Variants in CMKLR1 observed in about 807,000 individuals in gnomAD.
The protein encoded by CMKLR1 is chemerin chemokine-like receptor 1, also known as chemerin-like receptor 1.
In CMKLR1, 6 loss-of-function variants were observed where a neutral mutation model predicts 8.2. That is an observed-to-expected ratio of 0.73 (90% CI 0.40 to 1.44). The LOEUF (loss-of-function observed/expected upper bound fraction) is 1.44, where lower values mean the gene tolerates loss of function less well. CMKLR1 is among the 40% of genes most tolerant of loss of function. The pLI is 0.02. For synonymous variants in CMKLR1, 178 were observed against 181.2 expected (o/e 0.98, Z 0.14); for missense variants, 429 against 478.0 (o/e 0.90, Z 0.96).
chr12:108,317,150 C>T (rs1484758257), intron 2 of CMKLR1, among the ~76,000 whole-genome samples: 2 of 152,092 alleles, frequency 1.3e-5, no homozygotes, highest in Non-Finnish European at 2.9e-5. Context: ...ATTTAACACA[C>T]AGCCTGTTTG....
Position 108,291,089 on chromosome 12 carries a change from C to G in CMKLR1, c.*752G>C, listed in dbSNP as rs929127937. Reference sequence around the variant, plus strand: ...CCCCAAATAGCTCCAGCCTAAAGCACCATCAGCCTGCGATGTTCTAGGGTG... The same window carrying G: ...CCCCAAATAGCTCCAGCCTAAAGCAGCATCAGCCTGCGATGTTCTAGGGTG... On this transcript the variant is annotated 3_prime_UTR_variant, in exon 4 of 4. Transcript: ENST00000550402. 1 of 152,274 alleles carries G rather than the reference C, an allele frequency of 6.6e-6. No individual in the cohort carries two copies. The highest frequency in any genetic ancestry group is 1.5e-5 in the Non-Finnish European group (1 of 68,064). 9.4% of individuals were successfully genotyped at this position (152,274 alleles called of 1,614,324 possible). A position where few individuals can be genotyped will look rare whatever the true frequency, so the allele number is the denominator to read the frequency against.
At chr12:108,305,374 T>C (rs1393722220) in intron 2 of CMKLR1, among the ~76,000 whole-genome samples, 2 of 152,136 alleles carry the variant, frequency 1.3e-5, no homozygotes, top group Admixed American at 1.3e-4. Context: ...AAGCACAAGA[T>C]CACAGCCTCA....
At chr12:108,338,954 TTC>T (rs1239362772) in intron 1 of CMKLR1, 71 bp downstream of exon 1, 4 of 152,212 alleles carry the variant, frequency 2.6e-5, no homozygotes, top group African/African-American at 9.7e-5. Context: ...AAACAAACTT[TTC>T]TCTCTGTTAG....
chr12:108,290,369 A>T lies in CMKLR1; in HGVS notation c.*1472T>A, dbSNP rs1164631186. 1.3e-5 allele frequency: 2 copies of T among 152,202 alleles called. No individual in the cohort carries two copies. Among genetic ancestry groups the T allele is most frequent in the Non-Finnish European group, 2.9e-5 (2 of 68,042 alleles). 9.4% of individuals were successfully genotyped at this position (152,202 alleles called of 1,614,324 possible). On this transcript the variant is annotated 3_prime_UTR_variant, in exon 4 of 4. Coordinates refer to ENST00000550402, the MANE Select transcript of CMKLR1 (RefSeq NM_001142343.2). ...TCTAAGCCTCAGATTCCTCCTATGT[A>T]AAAGGGAAGTTATAACCATACCTAA...
chr12:108,304,638 A>G (rs1417322327), intron 2 of CMKLR1, among the ~76,000 whole-genome samples: 1 of 150,640 alleles, frequency 6.6e-6, no homozygotes, highest in African/African-American at 2.4e-5. Flanking sequence ...CGTCTCTTCC[A>G]TCTCTCTGCA....
chr12:108,293,016 A>G lies in CMKLR1; in HGVS notation c.4-57T>C, dbSNP rs1017711717. 1.2e-5 allele frequency: 18 copies of G among 1,496,582 alleles called. No homozygotes were observed. In the African/African-American group the frequency reaches 2.5e-4, roughly 21 times the overall value. The allele number at this position is 1,496,582 out of a possible 1,614,324, so 92.7% of individuals were successfully genotyped here. ...CCCTAGAGTTGGCTTTAAGAGGTTG[A>G]CCAATACCAGCAAGACCAACAATGT... On this transcript the variant is annotated intron_variant, in intron 3 of 3. Transcript: ENST00000550402.
chr12:108,293,766 CCCAT>C, intron 2 of CMKLR1, 102 bp from the exon 3 acceptor site: 2 of 666,564 alleles, frequency 3.0e-6, no homozygotes, highest in East Asian at 2.7e-5. Flanking sequence ...TGTTCTTATT[CCCAT>C]TTTACAGAGA....
chr12:108,295,343 T>C (rs1478390056), intron 2 of CMKLR1, among the ~76,000 whole-genome samples: 2 of 152,240 alleles, frequency 1.3e-5, no homozygotes, highest in Admixed American at 6.5e-5. Flanking sequence ...CTCTTAACTG[T>C]CACTCCACAC....
At chr12:108,298,737 GC>G (rs1891195320) in intron 2 of CMKLR1, among the ~76,000 whole-genome samples, 2 of 152,202 alleles carry the variant, frequency 1.3e-5, no homozygotes, top group African/African-American at 4.8e-5. Flanking sequence ...ACCCTCAGCT[GC>G]CCAGAGAACC....
intron 2 of CMKLR1, among the ~76,000 whole-genome samples, chr12:108,311,911 A>C (rs147959509): frequency 6.6e-6 from 1 of 152,346 alleles, no homozygotes; most frequent in African/African-American, 2.4e-5. Context: ...TAAGGAGCCC[A>C]GTACCCCGAG....
At chr12:108,334,690 G>A (rs574036658) in intron 1 of CMKLR1, among the ~76,000 whole-genome samples, 1 of 152,276 alleles carries the variant, frequency 6.6e-6, no homozygotes, top group East Asian at 1.9e-4. Context: ...TGTGCAGTGG[G>A]GCCCTAGGAC....
At chr12:108,305,429 C>A (rs1304171285) in intron 2 of CMKLR1, among the ~76,000 whole-genome samples, 1 of 152,168 alleles carries the variant, frequency 6.6e-6, no homozygotes, top group South Asian at 2.1e-4. Flanking sequence ...ACCACTCTTG[C>A]CCTCAAAAAT....
intron 2 of CMKLR1, among the ~76,000 whole-genome samples, chr12:108,316,673 G>A (rs934412541): frequency 6.6e-6 from 1 of 152,198 alleles, no homozygotes; most frequent in African/African-American, 2.4e-5. Context: ...GTCCTCCTGG[G>A]GTGAGGGCCA....
At position 108,292,001 on chromosome 12, in the gene CMKLR1, T is replaced by C. The variant is rs1890984875; in HGVS notation, c.962A>G (p.Gln321Arg). 6.2e-7 allele frequency: 1 copy of C among 1,614,098 alleles called. No individual in the cohort carries two copies. Among genetic ancestry groups the C allele is most frequent in the Admixed American group, 1.7e-5 (1 of 60,008 alleles). Reference protein sequence around the residue: ...MNPILYVFMGQDFKKFKVALF... With the variant: ...MNPILYVFMGRDFKKFKVALF... ...GGCCACCTTGAACTTCTTGAAGTCC[T>C]GACCCATGAAAACATACAGAATGGG... The change falls in exon 4 of 4, where the codon CAG (glutamine) becomes CGG (arginine). Residue 321 changes from glutamine to arginine, a missense_variant. By Grantham distance (43) the Gln-to-Arg change is conservative. Transcript: ENST00000550402.
At chr12:108,310,185 G>GTGTA (rs1555252651) in intron 2 of CMKLR1, among the ~76,000 whole-genome samples, 10 of 151,740 alleles carry the variant, frequency 6.6e-5, no homozygotes, top group Admixed American at 5.9e-4. Flanking sequence ...GTGTGTGTGT[G>GTGTA]TGTGTGTGTG....
At chr12:108,294,006 G>A (rs567895452) in intron 2 of CMKLR1, among the ~76,000 whole-genome samples, 7 of 152,144 alleles carry the variant, frequency 4.6e-5, no homozygotes, top group East Asian at 1.9e-4. Context: ...CTACCAGGTC[G>A]GGACTCAACT....
rs112210868 is a variant in CMKLR1, at chr12:108,316,589, C to T, written c.-74+13406G>A. Among the ~76,000 whole-genome samples, 422 of 152,308 alleles carry T rather than the reference C, an allele frequency of 2.8e-3. 3 individuals carry two copies. The highest frequency in any genetic ancestry group is 9.5e-3 in the African/African-American group (393 of 41,570). On this transcript the variant is annotated intron_variant, in intron 2 of 3. Coordinates refer to ENST00000550402, the MANE Select transcript of CMKLR1 (RefSeq NM_001142343.2). ...GGACAAGGCTAAAAGGAGTCTTCTGCCAACCTCTGAGAAGGTTTAACAAGA... is the reference window on the plus strand; with the variant it reads ...GGACAAGGCTAAAAGGAGTCTTCTGTCAACCTCTGAGAAGGTTTAACAAGA...
intron 2 of CMKLR1, among the ~76,000 whole-genome samples, chr12:108,297,349 C>T (rs575923765): frequency 2.6e-5 from 4 of 152,216 alleles, no homozygotes; most frequent in Admixed American, 6.5e-5. Flanking sequence ...TAAAAAAATA[C>T]GTGTCAATTG....
intron 2 of CMKLR1, among the ~76,000 whole-genome samples, chr12:108,309,565 C>T (rs568035386): frequency 1.1e-4 from 17 of 151,034 alleles, no homozygotes; most frequent in East Asian, 9.7e-4. Context: ...TAGTGGGCAA[C>T]GTCTAAGGGT....
Sources: allele counts gnomAD v4.1 joint callset (sites outside exome capture counted in the v4.1 genomes callset), GRCh38; gene constraint gnomAD v4.1.1; transcripts MANE v1.5; gene names NCBI Gene and HGNC (gene_info 2026-07-23, HGNC 2026-07-21).